Variants in TENM2 observed in about 807,000 individuals in gnomAD.
TENM2 encodes the protein teneurin transmembrane protein 2, also known as teneurin-2.
Under a neutral mutation model 245.2 loss-of-function variants are expected in TENM2, and 52 were observed. The ratio of observed to expected loss-of-function variants is 0.21; its 90% confidence interval spans 0.17 to 0.27. The LOEUF is 0.27. TENM2 is among the 10% of genes least tolerant of loss of function. The pLI, the probability that TENM2 is intolerant of heterozygous loss-of-function variation, is 1.00. For synonymous variants in TENM2, 1,363 were observed against 1,438.9 expected, an observed-to-expected ratio of 0.95 and a Z score of 1.19; for missense variants, 3,046 against 3,666.8, an observed-to-expected ratio of 0.83 and a Z score of 4.37.
intron 2 of TENM2, among the ~76,000 whole-genome samples, chr5:167,678,675 G>C (rs989011866): frequency 6.6e-6 from 1 of 152,116 alleles, no homozygotes; most frequent in African/African-American, 2.4e-5. Flanking sequence ...GTGTGGCTGA[G>C]TGAAAGTAAA....
the TENM2 span, among the ~76,000 whole-genome samples, chr5:167,166,387 C>G: frequency 2.0e-5 from 3 of 152,146 alleles, no homozygotes; most frequent in African/African-American, 7.2e-5. Flanking sequence ...AGTTTTATAA[C>G]CTGTCCTTGG....
In TENM2 at chr5:167,430,927, A is replaced by G. The variant is rs566637933; in HGVS notation, c.502+55454A>G. Among the ~76,000 whole-genome samples, 3 of 152,318 alleles carry G rather than the reference A, an allele frequency of 2.0e-5. No homozygotes were observed. The East Asian group carries it at 5.8e-4, about 29-fold the overall frequency. Reference sequence around the variant, plus strand: ...AATAGGTAATCTACTGCTATGTCATATTTCCAATGTTTCTATGCAAGCCAA... The same window carrying G: ...AATAGGTAATCTACTGCTATGTCATGTTTCCAATGTTTCTATGCAAGCCAA... On this transcript the variant is annotated intron_variant, in intron 2 of 28. Coordinates refer to ENST00000518659, the Ensembl canonical transcript of TENM2.
chr5:167,933,539 G>C (rs1038215432), intron 3 of TENM2, among the ~76,000 whole-genome samples: 3 of 152,084 alleles, frequency 2.0e-5, no homozygotes, highest in Admixed American at 1.3e-4. Flanking sequence ...GCCAAATTTA[G>C]CTTCCAATTT....
the TENM2 span, among the ~76,000 whole-genome samples, chr5:167,063,032 C>G: frequency 5.9e-5 from 9 of 152,288 alleles, no homozygotes; most frequent in Non-Finnish European, 1.3e-4. Flanking sequence ...TGTAGGTCAA[C>G]TGGTTTCTTT....
chr5:167,845,702 G>A (rs778246247), intron 2 of TENM2, among the ~76,000 whole-genome samples: 6 of 152,064 alleles, frequency 3.9e-5, no homozygotes, highest in Non-Finnish European at 8.8e-5. Context: ...AGAGCTGTAG[G>A]GTTTGTGATC....
chr5:167,913,604 A>C (rs781525890), intron 3 of TENM2, among the ~76,000 whole-genome samples: 5 of 152,226 alleles, frequency 3.3e-5, no homozygotes, highest in Non-Finnish European at 5.9e-5. Flanking sequence ...AATTGAAACA[A>C]TAGAAATCTG....
intron 2 of TENM2, among the ~76,000 whole-genome samples, chr5:167,791,151 G>A (rs983475345): frequency 2.6e-5 from 4 of 152,012 alleles, no homozygotes; most frequent in African/African-American, 7.3e-5. Flanking sequence ...AATTTATCTA[G>A]CAAAGCACTA....
chr5:167,481,546 C>T (rs1649411196), intron 2 of TENM2, among the ~76,000 whole-genome samples: 1 of 152,148 alleles, frequency 6.6e-6, no homozygotes, highest in African/African-American at 2.4e-5. Flanking sequence ...GTGTGACGCT[C>T]CCTGCTTGGC....
chr5:167,761,424 C>T (rs1022342496), intron 2 of TENM2, among the ~76,000 whole-genome samples: 1 of 151,960 alleles, frequency 6.6e-6, no homozygotes, highest in East Asian at 1.9e-4. Flanking sequence ...CCCAAAGAGG[C>T]CACTCCAAGA....
At chr5:167,394,237 G>A (rs185357972) in intron 2 of TENM2, among the ~76,000 whole-genome samples, 21 of 152,148 alleles carry the variant, frequency 1.4e-4, no homozygotes, top group African/African-American at 5.1e-4. Flanking sequence ...TTTTTTTTAG[G>A]AGATTCACAG....
intron 5 of TENM2, among the ~76,000 whole-genome samples, chr5:168,038,425 TG>T (rs1400288296): frequency 6.6e-6 from 1 of 152,130 alleles, no homozygotes; most frequent in Non-Finnish European, 1.5e-5. Context: ...AGCACACACT[TG>T]GCTCTAAAAC....
At chr5:168,003,507 C>T (rs1365281370) in intron 5 of TENM2, among the ~76,000 whole-genome samples, 1 of 151,998 alleles carries the variant, frequency 6.6e-6, no homozygotes, top group Non-Finnish European at 1.5e-5. Context: ...TAGGAAATGC[C>T]ATACATCAAT....
At chr5:168,183,786 C>T (rs889386113) in intron 13 of TENM2, among the ~76,000 whole-genome samples, 21 of 150,202 alleles carry the variant, frequency 1.4e-4, no homozygotes, top group Non-Finnish European at 2.2e-4. Context: ...TTGGCAAGCA[C>T]CTAGCTCTGT....
At chr5:167,308,517 A>G (rs1427395476) in intron 1 of TENM2, among the ~76,000 whole-genome samples, 2 of 152,226 alleles carry the variant, frequency 1.3e-5, no homozygotes, top group Non-Finnish European at 2.9e-5. Flanking sequence ...ATGCACTGAC[A>G]GGGACCTCCT....
At chr5:167,690,945 G>A (rs886674706) in intron 2 of TENM2, among the ~76,000 whole-genome samples, 2 of 139,100 alleles carry the variant, frequency 1.4e-5, no homozygotes, top group Non-Finnish European at 3.2e-5. Context: ...GTGTGTGTGT[G>A]TGTGTGTGTG....
At chr5:168,071,691 A>G (rs1044502268) in intron 7 of TENM2, among the ~76,000 whole-genome samples, 1 of 152,114 alleles carries the variant, frequency 6.6e-6, no homozygotes, top group African/African-American at 2.4e-5. Context: ...TTTCAGGTCT[A>G]TGTTCTTATA....
chr5:167,290,120 C>A (rs1433006965), intron 1 of TENM2, among the ~76,000 whole-genome samples: 1 of 152,042 alleles, frequency 6.6e-6, no homozygotes, highest in Non-Finnish European at 1.5e-5. Context: ...TAAAAAATAT[C>A]CTTAGAAAAA....
At chr5:167,084,366 T>TATATATATATACAC in the TENM2 span, among the ~76,000 whole-genome samples, 566 of 114,810 alleles carry the variant, frequency 4.9e-3, 28 homozygotes, top group Non-Finnish European at 8.8e-3. Flanking sequence ...TATATATATA[T>TATATATATATACAC]ACAGATCAGA....
chr5:167,182,662 CT>C, the TENM2 span, among the ~76,000 whole-genome samples: 1 of 151,938 alleles, frequency 6.6e-6, no homozygotes, highest in Admixed American at 6.6e-5. Context: ...AGAGAAGTAA[CT>C]TTTTTATTTT....
Sources: allele counts gnomAD v4.1 joint callset (sites outside exome capture counted in the v4.1 genomes callset), GRCh38; gene constraint gnomAD v4.1.1; transcripts MANE v1.5; gene names NCBI Gene and HGNC (gene_info 2026-07-23, HGNC 2026-07-21).